Variants in WIPF3 observed in about 807,000 individuals in gnomAD.
WIPF3 encodes WAS/WASL interacting protein family member 3, also known as WAS/WASL-interacting protein family member 3.
In WIPF3, 33 loss-of-function variants were observed where a neutral mutation model predicts 38.9. That is an observed-to-expected ratio of 0.85 (90% CI 0.64 to 1.14). The LOEUF is 1.14. Ranked by LOEUF, WIPF3 falls within the 50% of genes most tolerant of loss-of-function variation. The pLI, the probability that WIPF3 is intolerant of heterozygous loss-of-function variation, is 0.00. For missense variants in WIPF3, 711 were observed against 652.5 expected (o/e 1.09, Z -0.98); for synonymous variants, 324 against 269.3 (o/e 1.20, Z -1.99).
At chr7:29,825,003 G>T (rs2128063546) in intron 1 of WIPF3, among the ~76,000 whole-genome samples, 1 of 152,274 alleles carries the variant, frequency 6.6e-6, no homozygotes, top group South Asian at 2.1e-4. Context: ...CCTCCCATCT[G>T]CACATTATTT....
chr7:29,856,642 C>T (rs1371919232), intron 2 of WIPF3, among the ~76,000 whole-genome samples: 2 of 152,100 alleles, frequency 1.3e-5, no homozygotes, highest in African/African-American at 2.4e-5. Context: ...AAAGAAAAAC[C>T]AAACAAAACT....
rs189441723 is a variant in WIPF3 at position 29,847,860 on chromosome 7, G to C, written c.90+13046G>C. Among the ~76,000 whole-genome samples the C allele has an allele frequency of 3.0e-3, 454 of 152,326 alleles. 6 individuals are homozygous for C. The highest frequency in any genetic ancestry group is 0.01 in the African/African-American group (434 of 41,574). ...TTTCTATGACCCTCCTTGGGGAAGA[G>C]GGGTTCTAGTTTCTGTGGTTAGCCT... On this transcript the variant is annotated intron_variant, in intron 2 of 8. Transcript: ENST00000242140.
intron 1 of WIPF3, among the ~76,000 whole-genome samples, chr7:29,820,411 A>C (rs180933261): frequency 1.3e-5 from 2 of 151,842 alleles, no homozygotes; most frequent in Non-Finnish European, 2.9e-5. Context: ...GATATGGCAG[A>C]TATGTTTGTT....
At position 29,823,139 on chromosome 7, in the gene WIPF3, TG is replaced by T. The variant is rs1208001729; in HGVS notation, c.-57-11526del. Reference sequence around the variant, plus strand: ...TCTACCTTTTTCTTGAACAAATAGATGGGAATTACAGCCAGAACTAGAAACC... The same window carrying T: ...TCTACCTTTTTCTTGAACAAATAGATGGAATTACAGCCAGAACTAGAAACC... On this transcript the variant is annotated intron_variant, in intron 1 of 8. Coordinates refer to ENST00000242140, the MANE Select transcript of WIPF3 (RefSeq NM_001080529.3). The surrounding 1 kb of genome is among the most constrained non-coding windows in gnomAD (Gnocchi z 4.0). Among the ~76,000 whole-genome samples, 1 of 152,220 alleles carries T rather than the reference TG, an allele frequency of 6.6e-6. No individual in the cohort carries two copies. The highest frequency in any genetic ancestry group is 6.5e-5 in the Admixed American group (1 of 15,276).
intron 2 of WIPF3, among the ~76,000 whole-genome samples, chr7:29,850,276 T>A (rs1035062195): frequency 1.8e-4 from 27 of 152,280 alleles, no homozygotes; most frequent in Non-Finnish European, 2.1e-4. Context: ...AAGCAATGGT[T>A]GATGTAAAAT....
In WIPF3 at chr7:29,878,403, G is replaced by A. The variant is rs117999202; in HGVS notation, c.224-606G>A. ...ACACATGTCTGGAAGGCTGGAGTTA[G>A]TGACACCTTTCCTCAGGGGCTCATG... On this transcript the variant is annotated intron_variant, in intron 3 of 8. Coordinates refer to ENST00000242140, the MANE Select transcript of WIPF3 (RefSeq NM_001080529.3). This position sits in a 1 kb window ranked among gnomAD's most constrained non-coding sequence, Gnocchi z 4.0. Among the ~76,000 whole-genome samples, 3 of 152,310 alleles carry A rather than the reference G, an allele frequency of 2.0e-5. No individual in the cohort carries two copies. In the East Asian group the frequency reaches 5.8e-4, roughly 29 times the overall value.
intron 4 of WIPF3, among the ~76,000 whole-genome samples, chr7:29,879,411 G>A (rs986651139): frequency 2.0e-5 from 3 of 152,196 alleles, no homozygotes; most frequent in African/African-American, 4.8e-5. Flanking sequence ...TAGTGATGGC[G>A]TGATGGTAGC....
intron 1 of WIPF3, among the ~76,000 whole-genome samples, chr7:29,830,101 GAAAA>G (rs11385420): frequency 6.8e-6 from 1 of 147,468 alleles, no homozygotes; most frequent in South Asian, 2.2e-4. Context: ...ATTGTATCTG[GAAAA>G]AAAAAAGCCT....
chr7:29,914,500 TAA>T lies in WIPF3; in HGVS notation c.1438_1439del (p.Lys480AspfsTer32). ...TCTGTTATGTTTCCACAGTTATCTCTAAAGACTCTTCGGTGAGAAGACAGATG... is the reference window on the plus strand; with the variant it reads ...TCTGTTATGTTTCCACAGTTATCTCTAGACTCTTCGGTGAGAAGACAGATG... On this transcript the variant is annotated frameshift_variant, in exon 9 of 9. Transcript: ENST00000242140. LOFTEE classifies it high-confidence loss of function. 2 of 1,522,146 alleles carry T rather than the reference TAA, an allele frequency of 1.3e-6. No individual in the cohort carries two copies. Among genetic ancestry groups the T allele is most frequent in the Non-Finnish European group, 1.8e-6 (2 of 1,133,022 alleles). 94.3% of individuals were successfully genotyped at this position (1,522,146 alleles called of 1,614,324 possible).
In WIPF3 at chr7:29,914,862, T is replaced by C. The variant is rs1361205133; in HGVS notation, c.*346T>C. 1 of 178,692 alleles carries C rather than the reference T, an allele frequency of 5.6e-6. No homozygotes were observed. Among genetic ancestry groups the C allele is most frequent in the Non-Finnish European group, 1.2e-5 (1 of 86,050 alleles). The allele number at this position is 178,692 out of a possible 1,614,324, so 11.1% of individuals were successfully genotyped here. A position where few individuals can be genotyped will look rare whatever the true frequency, so the allele number is the denominator to read the frequency against. On this transcript the variant is annotated 3_prime_UTR_variant, in exon 9 of 9. Transcript: ENST00000242140. The stretch of plus-strand genomic sequence containing the variant: ...TTCTGAACCGTTTGTAGAGAGTCCT[T>C]AGTTTGCAGGTAGCCCCAAAGTTAT...
chr7:29,823,528 T>C lies in WIPF3; in HGVS notation c.-57-11140T>C, dbSNP rs1257057282. Reference sequence around the variant, plus strand: ...ACATATAACTTTCCCAGTGTTCTGCTAACAAGGTTTGTCTCCATCTTTTGC... The same window carrying C: ...ACATATAACTTTCCCAGTGTTCTGCCAACAAGGTTTGTCTCCATCTTTTGC... On this transcript the variant is annotated intron_variant, in intron 1 of 8. Transcript: ENST00000242140. The surrounding 1 kb of genome is among the most constrained non-coding windows in gnomAD (Gnocchi z 4.0). Among the ~76,000 whole-genome samples the C allele has an allele frequency of 6.6e-6, 1 of 152,242 alleles. No homozygotes were observed. Among genetic ancestry groups the C allele is most frequent in the Non-Finnish European group, 1.5e-5 (1 of 68,042 alleles).
At chr7:29,871,217 C>G (rs1390203678) in intron 2 of WIPF3, among the ~76,000 whole-genome samples, 2 of 152,158 alleles carry the variant, frequency 1.3e-5, no homozygotes, top group Non-Finnish European at 2.9e-5. Context: ...TCTGTGTTCT[C>G]CTACATAAAG....
chr7:29,861,368 G>A (rs1308656278), intron 2 of WIPF3, among the ~76,000 whole-genome samples: 2 of 152,038 alleles, frequency 1.3e-5, no homozygotes, highest in Non-Finnish European at 1.5e-5. Context: ...ATGAACATAT[G>A]GACATAACAA....
intron 2 of WIPF3, among the ~76,000 whole-genome samples, chr7:29,840,415 TGC>T (rs1784895260): frequency 2.0e-5 from 3 of 152,346 alleles, no homozygotes; most frequent in African/African-American, 7.2e-5. Flanking sequence ...CTTTTATATC[TGC>T]AAACCCCCCA....
intron 1 of WIPF3, among the ~76,000 whole-genome samples, chr7:29,816,839 A>T (rs1784465178): frequency 6.6e-6 from 1 of 152,166 alleles, no homozygotes; most frequent in African/African-American, 2.4e-5. Flanking sequence ...CAAATGCTGC[A>T]AGTTTTGTCA....
intron 1 of WIPF3, among the ~76,000 whole-genome samples, chr7:29,810,287 A>G (rs953031275): frequency 7.2e-5 from 11 of 152,182 alleles, no homozygotes; most frequent in Non-Finnish European, 1.6e-4. Flanking sequence ...ACCCACTCAT[A>G]ACCCCAAGGT....
At chr7:29,810,662 C>A (rs1300374959) in intron 1 of WIPF3, among the ~76,000 whole-genome samples, 8 of 152,146 alleles carry the variant, frequency 5.3e-5, no homozygotes, top group Non-Finnish European at 1.5e-5. Flanking sequence ...TAGGGCTCAG[C>A]CTATAAAATC....
chr7:29,859,392 G>A (rs886293609), intron 2 of WIPF3, among the ~76,000 whole-genome samples: 1 of 152,174 alleles, frequency 6.6e-6, no homozygotes. Flanking sequence ...TGAGGGTGTT[G>A]ATGATGCTTG....
intron 7 of WIPF3, 48 bp from the exon 8 acceptor site, chr7:29,904,238 C>T (rs1562791306): frequency 1.9e-6 from 3 of 1,583,512 alleles, no homozygotes; most frequent in East Asian, 2.2e-5. Flanking sequence ...AACATGCACA[C>T]CCGGTCCCTG....
Sources: gnomAD v4.1 joint callset for allele counts (sites outside exome capture counted in the v4.1 genomes callset) on GRCh38, gnomAD v4.1.1 for gene constraint, Gnocchi (gnomAD v3.1) non-coding constraint, MANE v1.5 for transcripts, NCBI Gene and HGNC (gene_info 2026-07-23, HGNC 2026-07-21) for gene names.